Variants in FBXO32 observed in about 807,000 individuals in gnomAD.
FBXO32 encodes the protein F-box protein 32.
Under a neutral mutation model 48.3 loss-of-function variants are expected in FBXO32, and 15 were observed. The observed-to-expected ratio is 0.31, with a 90% CI of 0.21 to 0.48. The LOEUF (loss-of-function observed/expected upper bound fraction) is 0.48, where lower values mean the gene tolerates loss of function less well. Ranked by LOEUF, FBXO32 falls within the 20% of genes least tolerant of loss-of-function variation. The pLI, the probability that FBXO32 is intolerant of heterozygous loss-of-function variation, is 0.99. For synonymous variants in FBXO32, 154 were observed against 165.9 expected, an observed-to-expected ratio of 0.93 and a Z score of 0.55; for missense variants, 309 against 432.7, an observed-to-expected ratio of 0.71 and a Z score of 2.54.
In FBXO32 at chr8:123,525,986, C is replaced by G. The variant is rs1371512385; in HGVS notation, c.372+5912G>C. On this transcript the variant is annotated intron_variant, in intron 4 of 8. Transcript: ENST00000517956. The surrounding 1 kb of genome is among the most constrained non-coding windows in gnomAD (Gnocchi z 4.3). Reference sequence around the variant, plus strand: ...GATAATATAGCCTCACACTCAAAGCCTCTTCTCAAGTCTGTCCAATGTCCT... The same window carrying G: ...GATAATATAGCCTCACACTCAAAGCGTCTTCTCAAGTCTGTCCAATGTCCT... Among the ~76,000 whole-genome samples, 1 of 151,994 alleles carries G rather than the reference C, an allele frequency of 6.6e-6. No homozygotes were observed. Among genetic ancestry groups the G allele is most frequent in the African/African-American group, 2.4e-5 (1 of 41,372 alleles).
chr8:123,522,430 A>G (rs1183389545), intron 4 of FBXO32, among the ~76,000 whole-genome samples: 2 of 151,916 alleles, frequency 1.3e-5, no homozygotes, highest in Non-Finnish European at 2.9e-5. Context: ...GCTGGTCTCA[A>G]ACTCCTCACC....
At position 123,525,968 on chromosome 8, in the gene FBXO32, T is replaced by C. The variant is rs527401596; in HGVS notation, c.372+5930A>G. ...GCTTCCTCCTGCGTACTAGATAATA[T>C]AGCCTCACACTCAAAGCCTCTTCTC... On this transcript the variant is annotated intron_variant, in intron 4 of 8. Coordinates refer to ENST00000517956, the MANE Select transcript of FBXO32 (RefSeq NM_058229.4). This position sits in a 1 kb window ranked among gnomAD's most constrained non-coding sequence, Gnocchi z 4.3. Among the ~76,000 whole-genome samples the C allele has an allele frequency of 5.6e-4, 85 of 152,216 alleles. 2 individuals are homozygous for C. The highest frequency in any genetic ancestry group is 1.1e-3 in the Non-Finnish European group (74 of 68,014).
chr8:123,531,075 G>A (rs1447746040), intron 4 of FBXO32, among the ~76,000 whole-genome samples: 1 of 138,360 alleles, frequency 7.2e-6, no homozygotes, highest in Non-Finnish European at 1.6e-5. Context: ...TGCCTCCCGG[G>A]TTCAAGCGAT....
chr8:123,538,316 C>T (rs748289639), intron 1 of FBXO32, among the ~76,000 whole-genome samples: 45 of 152,116 alleles, frequency 3.0e-4, no homozygotes, highest in Admixed American at 3.9e-4. Context: ...CAAATGCATC[C>T]TTCATCCCGG....
chr8:123,506,580 G>T lies in FBXO32; in HGVS notation c.652-6C>A. Reference sequence around the variant, plus strand: ...GTGAGGCCTTTGAAGGCAGGCTGCAGAGAGAAGGGTGACAATAGGTGGGGG... The same window carrying T: ...GTGAGGCCTTTGAAGGCAGGCTGCATAGAGAAGGGTGACAATAGGTGGGGG... On this transcript the variant is annotated splice_region_variant and splice_polypyrimidine_tract_variant and intron_variant, in intron 6 of 8. Coordinates refer to ENST00000517956, the MANE Select transcript of FBXO32 (RefSeq NM_058229.4). This position sits in a 1 kb window ranked among gnomAD's most constrained non-coding sequence, Gnocchi z 4.0. 1 of 1,580,634 alleles carries T rather than the reference G, an allele frequency of 6.3e-7. No individual in the cohort carries two copies. Among genetic ancestry groups the T allele is most frequent in the Admixed American group, 1.7e-5 (1 of 57,660 alleles).
At position 123,525,852 on chromosome 8, in the gene FBXO32, A is replaced by G. The variant is rs1275228819; in HGVS notation, c.372+6046T>C. On this transcript the variant is annotated intron_variant, in intron 4 of 8. Transcript: ENST00000517956. This position sits in a 1 kb window ranked among gnomAD's most constrained non-coding sequence, Gnocchi z 4.3. ...TAACAGATTTATAATTTGCTGGTTG[A>G]TGGCATCTGGGGATGCCAGAGCCTG... Among the ~76,000 whole-genome samples the G allele has an allele frequency of 3.3e-5, 5 of 152,198 alleles. No homozygotes were observed. The highest frequency in any genetic ancestry group is 5.9e-5 in the Non-Finnish European group (4 of 68,034).
chr8:123,537,434 A>G (rs1817329221), intron 1 of FBXO32, among the ~76,000 whole-genome samples: 1 of 152,202 alleles, frequency 6.6e-6, no homozygotes, highest in South Asian at 2.1e-4. Flanking sequence ...GCAACTTTTT[A>G]AAAATGTAGA....
intron 1 of FBXO32, among the ~76,000 whole-genome samples, chr8:123,537,377 A>G (rs924451216): frequency 2.0e-5 from 3 of 152,210 alleles, no homozygotes; most frequent in Non-Finnish European, 2.9e-5. Context: ...AATAAGAAAA[A>G]GATCCACTGC....
chr8:123,519,235 T>G (rs1036291173), intron 4 of FBXO32, among the ~76,000 whole-genome samples: 3 of 152,156 alleles, frequency 2.0e-5, no homozygotes, highest in African/African-American at 7.2e-5. Context: ...TGTTATGTTC[T>G]GGGGAAACAG....
intron 4 of FBXO32, 146 bp from the exon 5 acceptor site, chr8:123,514,479 A>T: frequency 2.0e-6 from 1 of 512,384 alleles, no homozygotes; most frequent in East Asian, 3.3e-5. Flanking sequence ...TAAAAAGCAG[A>T]TGCTCAGAGT....
intron 8 of FBXO32, 40 bp from the exon 9 acceptor site, chr8:123,503,502 C>A (rs1282426315): frequency 4.5e-6 from 7 of 1,556,886 alleles, no homozygotes; most frequent in Non-Finnish European, 5.3e-6. Flanking sequence ...TTCTCAGAGG[C>A]CTCTCTTTGG....
chr8:123,513,055 C>A lies in FBXO32; in HGVS notation c.651+143G>T. 1.1e-6 allele frequency: 1 copy of A among 901,628 alleles called. No homozygotes were observed. 55.9% of individuals were successfully genotyped at this position (901,628 alleles called of 1,614,324 possible). On this transcript the variant is annotated intron_variant, in intron 6 of 8. Transcript: ENST00000517956. This position sits in a 1 kb window ranked among gnomAD's most constrained non-coding sequence, Gnocchi z 4.3. ...CCCTTTATCAGGAGGTCCCCCAGCC[C>A]ACCCTCAGCACCAGAACAAAGCAGC...
At chr8:123,537,485 G>A (rs1261090575) in intron 1 of FBXO32, among the ~76,000 whole-genome samples, 1 of 151,620 alleles carries the variant, frequency 6.6e-6, no homozygotes. Flanking sequence ...TGTTTTGGCA[G>A]CAGATAAAGA....
At chr8:123,538,974 T>C (rs1563928569) in intron 1 of FBXO32, among the ~76,000 whole-genome samples, 1 of 152,214 alleles carries the variant, frequency 6.6e-6, no homozygotes, top group Non-Finnish European at 1.5e-5. Flanking sequence ...TCTCTCCTGA[T>C]GCCGGTATAG....
Position 123,540,077 on chromosome 8 carries a change from C to G in FBXO32, c.116+822G>C, listed in dbSNP as rs1817382243. Among the ~76,000 whole-genome samples, 1 of 152,214 alleles carries G rather than the reference C, an allele frequency of 6.6e-6. No homozygotes were observed. Among genetic ancestry groups the G allele is most frequent in the Admixed American group, 6.5e-5 (1 of 15,288 alleles). On this transcript the variant is annotated intron_variant, in intron 1 of 8. Coordinates refer to ENST00000517956, the MANE Select transcript of FBXO32 (RefSeq NM_058229.4). This position sits in a 1 kb window ranked among gnomAD's most constrained non-coding sequence, Gnocchi z 6.4. Reference sequence around the variant, plus strand: ...TCAGGTTTCCCGCCAGACCACAGAGCTCAGGTGAGGCCTCGAATCCAGAGG... The same window carrying G: ...TCAGGTTTCCCGCCAGACCACAGAGGTCAGGTGAGGCCTCGAATCCAGAGG...
intron 1 of FBXO32, among the ~76,000 whole-genome samples, chr8:123,539,774 G>A (rs1201597430): frequency 3.3e-5 from 5 of 152,168 alleles, no homozygotes; most frequent in Admixed American, 2.6e-4. Context: ...CTCAGTAAGC[G>A]GGAACCTGGC....
Position 123,540,718 on chromosome 8 carries a change from C to T in FBXO32, c.116+181G>A, listed in dbSNP as rs77483553. ...TGAACAATAAGAGAAACCGAATTCC[C>T]TGTCTCCGGTGGTCCGAAGACCTCT... On this transcript the variant is annotated intron_variant, in intron 1 of 8. Transcript: ENST00000517956. The surrounding 1 kb of genome is among the most constrained non-coding windows in gnomAD (Gnocchi z 6.4). 1.8e-3 allele frequency among the ~76,000 whole-genome samples: 267 copies of T among 152,316 alleles called. No homozygotes were observed. Among genetic ancestry groups the T allele is most frequent in the African/African-American group, 5.6e-3 (231 of 41,582 alleles).
At chr8:123,519,402 T>C (rs1586995329) in intron 4 of FBXO32, among the ~76,000 whole-genome samples, 1 of 149,720 alleles carries the variant, frequency 6.7e-6, no homozygotes, top group Non-Finnish European at 1.5e-5. Flanking sequence ...ATACAAAAAA[T>C]TAGCCGGATG....
intron 4 of FBXO32, among the ~76,000 whole-genome samples, chr8:123,523,481 T>A (rs1348317151): frequency 6.6e-6 from 1 of 152,034 alleles, no homozygotes; most frequent in African/African-American, 2.4e-5. Flanking sequence ...TCCCAGCTAC[T>A]CAGGAGGCTG....
Sources: gnomAD v4.1 joint callset for allele counts (sites outside exome capture counted in the v4.1 genomes callset) on GRCh38, gnomAD v4.1.1 for gene constraint, Gnocchi (gnomAD v3.1) non-coding constraint, MANE v1.5 for transcripts, NCBI Gene and HGNC (gene_info 2026-07-23, HGNC 2026-07-21) for gene names.